Variants in DNAH14 observed in about 807,000 individuals in gnomAD.
The protein encoded by DNAH14 is dynein axonemal heavy chain 14.
A neutral mutation model predicts 520.9 loss-of-function variants in DNAH14; 478 were observed. The observed-to-expected ratio is 0.92, with a 90% CI of 0.85 to 0.99. DNAH14 has a LOEUF of 0.99. DNAH14 is among the 50% of genes least tolerant of loss of function. The pLI, the probability that DNAH14 is intolerant of heterozygous loss-of-function variation, is 0.00. For missense variants in DNAH14, 4,831 were observed against 5,234.5 expected, an observed-to-expected ratio of 0.92 and a Z score of 2.38; for synonymous variants, 1,581 against 1,757.2, an observed-to-expected ratio of 0.90 and a Z score of 2.51.
intron 55 of DNAH14, among the ~76,000 whole-genome samples, chr1:225,296,414 T>G (rs1316339140): frequency 6.6e-6 from 1 of 152,110 alleles, no homozygotes; most frequent in Non-Finnish European, 1.5e-5. Context: ...AAAGTTATAA[T>G]AGATTGGTGA....
intron 36 of DNAH14, among the ~76,000 whole-genome samples, chr1:225,171,150 G>A (rs879795191): frequency 1.1e-4 from 17 of 152,140 alleles, no homozygotes; most frequent in Admixed American, 1.1e-3. Context: ...AGCACTAAAT[G>A]CCCACAAGAG....
chr1:225,048,177 C>T (rs2068137645), intron 15 of DNAH14, among the ~76,000 whole-genome samples: 1 of 152,158 alleles, frequency 6.6e-6, no homozygotes, highest in Non-Finnish European at 1.5e-5. Context: ...TTGGATCTGG[C>T]TTCTTTCACT....
At chr1:225,177,345 A>T (rs1426907073) in intron 36 of DNAH14, among the ~76,000 whole-genome samples, 1 of 152,178 alleles carries the variant, frequency 6.6e-6, no homozygotes, top group Non-Finnish European at 1.5e-5. Context: ...AGCAGAGCAT[A>T]AAAGTTTGGA....
In DNAH14 at chr1:225,346,438, G is replaced by A. The variant is rs1269681450; in HGVS notation, c.11098-18G>A. The A allele has an allele frequency of 1.3e-6, 2 of 1,537,954 alleles. No homozygotes were observed. The highest frequency in any genetic ancestry group is 4.3e-5 in the Admixed American group (2 of 46,312). On this transcript the variant is annotated intron_variant, in intron 70 of 85. Coordinates refer to ENST00000682510, the MANE Select transcript of DNAH14 (RefSeq NM_001367479.1). ...TTATTTAATCTCACTGGATTAATAT[G>A]TTATATTTTCCCTATAGGTGGTTTC...
At chr1:225,144,296 TA>T in intron 28 of DNAH14, 100 bp from the exon 29 acceptor site, 1 of 907,122 alleles carries the variant, frequency 1.1e-6, no homozygotes, top group Non-Finnish European at 1.6e-6. Context: ...TTTGTTTTTT[TA>T]ATCAATGCTC....
chr1:225,187,031 C>T (rs772661709), intron 37 of DNAH14, among the ~76,000 whole-genome samples: 27 of 151,580 alleles, frequency 1.8e-4, no homozygotes, highest in Non-Finnish European at 3.4e-4. Context: ...CCTTATCTTT[C>T]TTTTTCCTCT....
intron 11 of DNAH14, among the ~76,000 whole-genome samples, chr1:225,037,439 A>G (rs2067069877): frequency 6.6e-6 from 1 of 152,212 alleles, no homozygotes; most frequent in South Asian, 2.1e-4. Flanking sequence ...AATATAACCC[A>G]TTATTTTAAC....
chr1:225,084,285 C>G (rs1188852771), intron 20 of DNAH14, among the ~76,000 whole-genome samples: 1 of 151,962 alleles, frequency 6.6e-6, no homozygotes, highest in African/African-American at 2.4e-5. Flanking sequence ...CTAAGAGTTC[C>G]TGGATGATTT....
At chr1:225,166,033 A>AT (rs35375371) in intron 35 of DNAH14, among the ~76,000 whole-genome samples, 19 of 151,342 alleles carry the variant, frequency 1.3e-4, no homozygotes, top group Admixed American at 1.1e-3. Context: ...GAGAATTTTC[A>AT]TTTTTTTTTA....
At chr1:225,134,825 A>G (rs951363741) in intron 27 of DNAH14, among the ~76,000 whole-genome samples, 3 of 152,032 alleles carry the variant, frequency 2.0e-5, no homozygotes, top group African/African-American at 7.2e-5. Flanking sequence ...TACCTCTGAT[A>G]GTATTCAGAT....
At chr1:225,196,262 G>T (rs1177868344) in intron 38 of DNAH14, among the ~76,000 whole-genome samples, 2 of 151,964 alleles carry the variant, frequency 1.3e-5, no homozygotes, top group Non-Finnish European at 2.9e-5. Context: ...AAGTGAGAGC[G>T]TATGATGTTT....
rs746285889 is a variant in DNAH14, at chr1:225,159,310, G to A, written c.5274-4G>A. On this transcript the variant is annotated splice_region_variant and splice_polypyrimidine_tract_variant and intron_variant, in intron 34 of 85. Coordinates refer to ENST00000682510, the MANE Select transcript of DNAH14 (RefSeq NM_001367479.1). Reference sequence around the variant, plus strand: ...TCTGTGTTTGTTTTCTTCTACCATTGAAGTGATACCAGTGACAGTCTTTCT... The same window carrying A: ...TCTGTGTTTGTTTTCTTCTACCATTAAAGTGATACCAGTGACAGTCTTTCT... 64 of 1,550,186 alleles carry A rather than the reference G, an allele frequency of 4.1e-5. No individual in the cohort carries two copies. Among genetic ancestry groups the A allele is most frequent in the Non-Finnish European group, 5.1e-5 (58 of 1,146,192 alleles).
Position 225,050,207 on chromosome 1 carries a change from T to C in DNAH14, c.1913-3T>C. On this transcript the variant is annotated splice_region_variant and splice_polypyrimidine_tract_variant and intron_variant, in intron 15 of 85. Coordinates refer to ENST00000682510, the MANE Select transcript of DNAH14 (RefSeq NM_001367479.1). The stretch of plus-strand genomic sequence containing the variant: ...GTACTGACTTTTAAATTATATATTT[T>C]AGCCACAATTACTCCTCTTTGCCAA... 6.5e-7 allele frequency: 1 copy of C among 1,527,192 alleles called. No homozygotes were observed. Among genetic ancestry groups the C allele is most frequent in the Non-Finnish European group, 8.8e-7 (1 of 1,140,862 alleles). 94.6% of individuals were successfully genotyped at this position (1,527,192 alleles called of 1,614,324 possible).
At chr1:225,346,854 A>T (rs76373545) in intron 71 of DNAH14, among the ~76,000 whole-genome samples, 200 bp downstream of exon 71, 549 of 152,294 alleles carry the variant, frequency 3.6e-3, no homozygotes, top group Non-Finnish European at 5.9e-3. Context: ...TTATAATCCT[A>T]ACCTACAAAG....
At position 225,035,596 on chromosome 1, in the gene DNAH14, T is replaced by C. The variant is rs538865317; in HGVS notation, c.1359-3098T>C. ...TCCCATAGGTTTGGGTATGTTATGT[T>C]GGTTGATTTCCATGTGTTTGTATAG... On this transcript the variant is annotated intron_variant, in intron 11 of 85. Transcript: ENST00000682510. Among the ~76,000 whole-genome samples the C allele has an allele frequency of 1.2e-4, 19 of 152,254 alleles. No individual in the cohort carries two copies. The East Asian group carries it at 3.3e-3, about 26-fold the overall frequency.
At chr1:225,225,859 A>G (rs936429765) in intron 41 of DNAH14, among the ~76,000 whole-genome samples, 1 of 152,088 alleles carries the variant, frequency 6.6e-6, no homozygotes, top group African/African-American at 2.4e-5. Flanking sequence ...ATGGCATGCT[A>G]GGACCCAACC....
chr1:225,240,843 C>A, intron 43 of DNAH14, 21 bp downstream of exon 43: 3 of 1,425,554 alleles, frequency 2.1e-6, no homozygotes, highest in South Asian at 2.6e-5. Flanking sequence ...TGGGAAAAAT[C>A]ATAACTATAC....
intron 64 of DNAH14, among the ~76,000 whole-genome samples, chr1:225,330,356 A>G (rs1012415180): frequency 6.6e-6 from 1 of 152,230 alleles, no homozygotes; most frequent in African/African-American, 2.4e-5. Flanking sequence ...CTGCACTTCC[A>G]TGTTTGTTGC....
chr1:225,270,784 A>G lies in DNAH14; in HGVS notation c.7589A>G (p.Asp2530Gly), dbSNP rs1466537456. ...GCAGCTTGTGTTCCAGTTGTGAATG[A>G]TATCAGCCCACGTCTTCTCAAACAC... ...IVAACVPVVNDISPRLLKHFS... is the reference protein window; with the variant it reads ...IVAACVPVVNGISPRLLKHFS... Residue 2530 changes from aspartate to glycine, a missense_variant, in exon 50 of 86, where the codon GAT (aspartate) becomes GGT (glycine). Transcript: ENST00000682510. 3 of 1,551,310 alleles carry G rather than the reference A, an allele frequency of 1.9e-6. No individual in the cohort carries two copies. Among genetic ancestry groups the G allele is most frequent in the Non-Finnish European group, 2.6e-6 (3 of 1,146,750 alleles).
Sources: allele counts gnomAD v4.1 joint callset (sites outside exome capture counted in the v4.1 genomes callset), GRCh38; gene constraint gnomAD v4.1.1; transcripts MANE v1.5; gene names NCBI Gene and HGNC (gene_info 2026-07-23, HGNC 2026-07-21).